PRKACB: variants seen among roughly 807,000 people sequenced by gnomAD.
The protein encoded by PRKACB is protein kinase cAMP-activated catalytic subunit beta.
Under a neutral mutation model 51.4 loss-of-function variants are expected in PRKACB, and 16 were observed. That is an observed-to-expected ratio of 0.31 (90% CI 0.21 to 0.47). The LOEUF is 0.47. PRKACB is among the 20% of genes least tolerant of loss of function. PRKACB has a pLI of 1.00. For missense variants in PRKACB, 309 were observed against 464.5 expected (o/e 0.67, Z 3.08); for synonymous variants, 147 against 154.4 (o/e 0.95, Z 0.35).
At chr1:84,144,581 C>G (rs1474597719) in intron 1 of PRKACB, 33 bp downstream of exon 1, 1 of 1,520,490 alleles carries the variant, frequency 6.6e-7, no homozygotes, top group African/African-American at 1.5e-5. Context: ...TACATTATAA[C>G]TAGCAACTAA....
chr1:84,140,105 C>T (rs1241528491), upstream of PRKACB, among the ~76,000 whole-genome samples: 2 of 152,040 alleles, frequency 1.3e-5, no homozygotes. Context: ...TATCAGATTT[C>T]AGACTTACTA....
At chr1:84,105,995 A>G (rs1240197188) in intron 1 of PRKACB, among the ~76,000 whole-genome samples, 1 of 78,484 alleles carries the variant, frequency 1.3e-5, no homozygotes, top group Non-Finnish European at 3.9e-5. Flanking sequence ...AAAATAAAGT[A>G]GAAATAATAA....
chr1:84,169,960 G>C (rs1355933552), intron 1 of PRKACB, among the ~76,000 whole-genome samples: 1 of 151,416 alleles, frequency 6.6e-6, no homozygotes, highest in African/African-American at 2.4e-5. Context: ...ATCTTTTGAG[G>C]GCAGAAATTA....
At chr1:84,142,141 C>CAT (rs377530674), upstream of PRKACB, among the ~76,000 whole-genome samples, 349 of 152,152 alleles carry the variant, frequency 2.3e-3, 2 homozygotes, top group African/African-American at 8.0e-3. Flanking sequence ...TTTCTTTTAA[C>CAT]ATGTTTATTG....
chr1:84,135,172 T>A (rs116702404), intron 1 of PRKACB, among the ~76,000 whole-genome samples: 258 of 152,064 alleles, frequency 1.7e-3, no homozygotes, highest in African/African-American at 5.9e-3. Context: ...ATCAGGGATT[T>A]AAAAAGGTTG....
chr1:84,102,136 C>T (rs1418690216), intron 1 of PRKACB, among the ~76,000 whole-genome samples: 22 of 151,232 alleles, frequency 1.5e-4, no homozygotes, highest in Admixed American at 1.3e-3. Flanking sequence ...TTTGGGAGGC[C>T]GAGGTGGGCA....
intron 9 of PRKACB, among the ~76,000 whole-genome samples, chr1:84,229,092 C>T (rs1221426375): frequency 7.6e-6 from 1 of 131,284 alleles, no homozygotes; most frequent in African/African-American, 2.9e-5. Flanking sequence ...TCCCCCCACC[C>T]CGTAACAGTC....
At chr1:84,124,383 C>T (rs1467899996) in intron 1 of PRKACB, among the ~76,000 whole-genome samples, 1 of 152,166 alleles carries the variant, frequency 6.6e-6, no homozygotes, top group Non-Finnish European at 1.5e-5. Flanking sequence ...AAGTTTCTTA[C>T]ATTTTGTATT....
intron 1 of PRKACB, chr1:84,175,758 G>T: frequency 6.5e-7 from 1 of 1,536,754 alleles, no homozygotes; most frequent in South Asian, 1.3e-5. Context: ...TCTTGAATGT[G>T]GGTGAATGTT....
intron 1 of PRKACB, among the ~76,000 whole-genome samples, chr1:84,165,863 G>T (rs1224921422): frequency 6.6e-6 from 1 of 151,654 alleles, no homozygotes; most frequent in African/African-American, 2.4e-5. Flanking sequence ...CTTTGATTCA[G>T]ATATTTTTAA....
intron 1 of PRKACB, among the ~76,000 whole-genome samples, chr1:84,091,504 T>G (rs1175402686): frequency 6.6e-6 from 1 of 152,052 alleles, no homozygotes; most frequent in Non-Finnish European, 1.5e-5. Context: ...TTTTGGTTTT[T>G]GTTGTTGTTG....
At chr1:84,112,696 C>A (rs1650335254) in intron 1 of PRKACB, among the ~76,000 whole-genome samples, 3 of 152,130 alleles carry the variant, frequency 2.0e-5, no homozygotes, top group Admixed American at 1.3e-4. Flanking sequence ...ACAACCCAGA[C>A]TAGTACAGGT....
intron 8 of PRKACB, chr1:84,204,889 C>G: frequency 1.0e-6 from 1 of 983,146 alleles, no homozygotes; most frequent in Non-Finnish European, 1.2e-6. Flanking sequence ...CAATCATTCT[C>G]TATTGGTTAA....
intron 1 of PRKACB, among the ~76,000 whole-genome samples, chr1:84,166,913 A>T (rs1021937172): frequency 6.6e-6 from 1 of 151,660 alleles, no homozygotes; most frequent in Non-Finnish European, 1.5e-5. Flanking sequence ...CGTTCAGTTC[A>T]AAAGTGGATT....
chr1:84,191,222 G>A (rs185717868), intron 5 of PRKACB, among the ~76,000 whole-genome samples: 160 of 152,234 alleles, frequency 1.1e-3, no homozygotes, highest in Admixed American at 2.6e-3. Flanking sequence ...TGGTGATAAT[G>A]AAATTCCTTT....
chr1:84,176,574 G>A (rs1483036208), intron 1 of PRKACB, among the ~76,000 whole-genome samples: 6 of 150,686 alleles, frequency 4.0e-5, no homozygotes, highest in African/African-American at 1.5e-4. Flanking sequence ...ATAAAAACTA[G>A]AGATTTCATA....
intron 1 of PRKACB, among the ~76,000 whole-genome samples, chr1:84,118,797 T>C (rs1650830877): frequency 6.6e-6 from 1 of 152,086 alleles, no homozygotes; most frequent in Non-Finnish European, 1.5e-5. Flanking sequence ...CTTCTTCAGT[T>C]GAGGAAGGTG....
At chr1:84,132,514 A>C (rs1652338502) in intron 1 of PRKACB, among the ~76,000 whole-genome samples, 1 of 152,340 alleles carries the variant, frequency 6.6e-6, no homozygotes, top group South Asian at 2.1e-4. Context: ...GGCAAGAAAA[A>C]ACAGTCTGTA....
chr1:84,168,426 C>G (rs1049509631), intron 1 of PRKACB, among the ~76,000 whole-genome samples: 1 of 151,456 alleles, frequency 6.6e-6, no homozygotes, highest in African/African-American at 2.4e-5. Context: ...ATCATTATAT[C>G]AAAATCCTGG....
Sources: allele counts gnomAD v4.1 joint callset (sites outside exome capture counted in the v4.1 genomes callset), GRCh38; gene constraint gnomAD v4.1.1; transcripts MANE v1.5; gene names NCBI Gene and HGNC (gene_info 2026-07-23, HGNC 2026-07-21).